ANKRD24: variants seen among roughly 807,000 people sequenced by gnomAD.
The protein encoded by ANKRD24 is ankyrin repeat domain 24, also known as ankyrin repeat domain-containing protein 24.
In ANKRD24, 109 loss-of-function variants were observed where a neutral mutation model predicts 127.8. That is an observed-to-expected ratio of 0.85 (90% CI 0.73 to 1.00). The LOEUF is 1.00. ANKRD24 is among the 50% of genes least tolerant of loss of function. ANKRD24 has a pLI of 0.00. For missense variants in ANKRD24, 1,648 were observed against 1,570.2 expected (o/e 1.05, Z -0.84); for synonymous variants, 743 against 671.1 (o/e 1.11, Z -1.66).
Position 4,219,729 on chromosome 19 carries a change from C to CA in ANKRD24, c.3142_3143insA (p.Leu1048HisfsTer22), listed in dbSNP as rs1283815224. 3.7e-6 allele frequency: 6 copies of CA among 1,611,896 alleles called. No homozygotes were observed. In the African/African-American group the frequency reaches 8.0e-5, roughly 22 times the overall value. ...GGCCCAGAGCCGGGCCCAGGAGGCT[C>CA]TGGACAAGGCCAAGGAGAAGGACAA... On this transcript the variant is annotated frameshift_variant, in exon 19 of 22. Coordinates refer to ENST00000318934, the MANE Select transcript of ANKRD24 (RefSeq NM_001393985.1). LOFTEE classifies it high-confidence loss of function.
chr19:4,216,624 C>G lies in ANKRD24; in HGVS notation c.1464C>G (p.Leu488=), dbSNP rs1970088968. 6.2e-7 allele frequency: 1 copy of G among 1,610,048 alleles called. No individual in the cohort carries two copies. Among genetic ancestry groups the G allele is most frequent in the Non-Finnish European group, 8.5e-7 (1 of 1,178,360 alleles). The change falls in exon 18 of 22, where the codon CTC becomes CTG. Residue 488 remains leucine, a synonymous_variant. Transcript: ENST00000318934. ...EALAEVIPLA[L]YDSLRAEFDQ... is the part of the protein sequence containing the mutation. The stretch of plus-strand genomic sequence containing the variant: ...TGGCAGAGGTCATCCCTCTTGCCCT[C>G]TATGACTCTCTCCGGGCCGAGTTTG...
intron 1 of ANKRD24, among the ~76,000 whole-genome samples, chr19:4,182,986 T>TGC (rs199844901): frequency 0.019 from 2,880 of 151,680 alleles, 93 homozygotes; most frequent in African/African-American, 0.066. Context: ...TGTGTGTGTG[T>TGC]GTGTGTGTGT....
Position 4,193,288 on chromosome 19 carries a change from C to A in ANKRD24, c.37-6395C>A, listed in dbSNP as rs529911849. 5.2e-3 allele frequency among the ~76,000 whole-genome samples: 662 copies of A among 127,848 alleles called. 16 individuals are homozygous for A. The highest frequency in any genetic ancestry group is 0.018 in the African/African-American group (594 of 33,008). 83.9% of individuals were successfully genotyped at this position (127,848 alleles called of 152,430 possible). Reference sequence around the variant, plus strand: ...CTGCACTCCAGTCTGGGCAATAGAGCGACTCCATCAAAAAAAAAAAAAAAA... The same window carrying A: ...CTGCACTCCAGTCTGGGCAATAGAGAGACTCCATCAAAAAAAAAAAAAAAA... On this transcript the variant is annotated intron_variant, in intron 2 of 21. Coordinates refer to ENST00000318934, the MANE Select transcript of ANKRD24 (RefSeq NM_001393985.1).
chr19:4,213,212 TCCC>T (rs1273479459), intron 15 of ANKRD24, among the ~76,000 whole-genome samples: 37 of 150,914 alleles, frequency 2.5e-4, no homozygotes, highest in Middle Eastern at 6.8e-3. Context: ...CTTCCTTTCT[TCCC>T]CTTCTCCTTC....
rs1216215027 is a variant in ANKRD24, at chr19:4,217,423, G to A, written c.2263G>A (p.Glu755Lys). ...AELEAALGKC[E>K]AAEAEAGRLR... ...GCTGGAGGCGGCCCTGGGGAAGTGC[G>A]AGGCCGCGGAGGCCGAGGCAGGCCG... is the stretch of plus-strand genomic sequence containing the variant. The change falls in exon 18 of 22, where the codon GAG becomes AAG. Residue 755 changes from glutamate to lysine, a missense_variant. Coordinates refer to ENST00000318934, the MANE Select transcript of ANKRD24 (RefSeq NM_001393985.1). 6.5e-7 allele frequency: 1 copy of A among 1,542,730 alleles called. No homozygotes were observed. Among genetic ancestry groups the A allele is most frequent in the Non-Finnish European group, 8.7e-7 (1 of 1,144,024 alleles).
At chr19:4,223,592 G>A (rs1425819243) in intron 20 of ANKRD24, among the ~76,000 whole-genome samples, 1 of 149,196 alleles carries the variant, frequency 6.7e-6, no homozygotes, top group Non-Finnish European at 1.5e-5. Context: ...TTTTTTTTGA[G>A]TCTCACTTTG....
chr19:4,191,176 A>G (rs762682942), intron 2 of ANKRD24, among the ~76,000 whole-genome samples: 7 of 152,148 alleles, frequency 4.6e-5, no homozygotes, highest in Non-Finnish European at 8.8e-5. Context: ...CAGGGCCTCC[A>G]TCCTCCCCTC....
chr19:4,210,813 ATTTT>A (rs113946972), intron 13 of ANKRD24, among the ~76,000 whole-genome samples: 1 of 126,776 alleles, frequency 7.9e-6, no homozygotes, highest in Non-Finnish European at 1.6e-5. Context: ...AGTTCACTTT[ATTTT>A]TTTTTTATTT....
rs542801330 is a variant in ANKRD24, at chr19:4,195,724, G to A, written c.37-3959G>A. Among the ~76,000 whole-genome samples the A allele has an allele frequency of 2.0e-4, 30 of 152,144 alleles. No homozygotes were observed. The highest frequency in any genetic ancestry group is 8.3e-4 in the South Asian group (4 of 4,814). ...AGCCTGGCCAACATGACAAAACCCC[G>A]TCTCTACTAAAATACAAAAATTCGC... On this transcript the variant is annotated intron_variant, in intron 2 of 21. Transcript: ENST00000318934. This position sits in a 1 kb window ranked among gnomAD's most constrained non-coding sequence, Gnocchi z 4.2.
rs547590078 is a variant in ANKRD24, at chr19:4,195,216, G to A, written c.37-4467G>A. 0.036 allele frequency among the ~76,000 whole-genome samples: 5,436 copies of A among 152,150 alleles called. 135 individuals carry two copies. Among genetic ancestry groups the A allele is most frequent in the Non-Finnish European group, 0.052 (3,559 of 68,008 alleles). ...GTCTCCCGAGTAGCTGGGACTACAG[G>A]CGCCCACCACCACGCCCGGCTAATT... On this transcript the variant is annotated intron_variant, in intron 2 of 21. Coordinates refer to ENST00000318934, the MANE Select transcript of ANKRD24 (RefSeq NM_001393985.1). The surrounding 1 kb of genome is among the most constrained non-coding windows in gnomAD (Gnocchi z 4.2).
intron 7 of ANKRD24, 138 bp from the exon 8 acceptor site, chr19:4,207,099 TTTTTG>T (rs1227938873): frequency 5.5e-6 from 3 of 541,958 alleles, no homozygotes; most frequent in Non-Finnish European, 6.5e-6. Context: ...TTTTTTTTTT[TTTTTG>T]TAGAGACAGG....
rs760566292 is a variant in ANKRD24, at chr19:4,219,683, C to T, written c.3096C>T (p.Thr1032=). ...AGCAGCAGCTACGGGGGCTACGGAC[C>T]GAGGCGGAAAGGGCTCGCCAGGCCC... The part of the protein sequence containing the change: ...TAEQQLRGLR[T]EAERARQAQS... Residue 1032 remains threonine, a synonymous_variant, in exon 19 of 22, where the codon ACC becomes ACT. Transcript: ENST00000318934. The T allele has an allele frequency of 9.3e-6, 15 of 1,613,770 alleles. No individual in the cohort carries two copies. Among genetic ancestry groups the T allele is most frequent in the Middle Eastern group, 1.7e-4 (1 of 6,060 alleles).
In ANKRD24 at chr19:4,199,723, G is replaced by GC; in HGVS notation, c.78dup (p.Gly27ArgfsTer23). The GC allele has an allele frequency of 6.5e-7, 1 of 1,538,426 alleles. No individual in the cohort carries two copies. Among genetic ancestry groups the GC allele is most frequent in the East Asian group, 2.4e-5 (1 of 40,848 alleles). On this transcript the variant is annotated frameshift_variant, in exon 3 of 22. Transcript: ENST00000318934. LOFTEE classifies it high-confidence loss of function. This position sits in a 1 kb window ranked among gnomAD's most constrained non-coding sequence, Gnocchi z 5.2. ...ACTGACCTTGGCTCCTGCCCGCCCT[G>GC]CGGCCCCTGCCCCATCCCGAAGCCG...
Position 4,210,116 on chromosome 19 carries a change from C to G in ANKRD24, c.929C>G (p.Pro310Arg). ...CCCAAGAAGCGGAAGGCGCCTCCACCTCCCGCCAGCATTCCCATGCCGGTG... is the reference window on the plus strand; with the variant it reads ...CCCAAGAAGCGGAAGGCGCCTCCACGTCCCGCCAGCATTCCCATGCCGGTG... ...GAPKKRKAPP[P>R]PASIPMPDDR... The change falls in exon 12 of 22, where the codon CCT (proline) becomes CGT (arginine). Residue 310 changes from proline to arginine, a missense_variant. Physicochemically the swap from Pro to Arg is moderately radical, Grantham distance 103. Transcript: ENST00000318934. 1 of 1,610,804 alleles carries G rather than the reference C, an allele frequency of 6.2e-7. No individual in the cohort carries two copies. The highest frequency in any genetic ancestry group is 1.3e-5 in the African/African-American group (1 of 74,988).
rs760945407 is a variant in ANKRD24, at chr19:4,217,951, G to A, written c.2791G>A (p.Gly931Ser). Residue 931 changes from glycine (G) to serine (S), a missense_variant, in exon 18 of 22, where the codon GGC (glycine) becomes AGC (serine). Gly to Ser is a moderately conservative substitution (Grantham distance 56). Coordinates refer to ENST00000318934, the MANE Select transcript of ANKRD24 (RefSeq NM_001393985.1). ...GCAGGAGGAGGCCCTGGAGCTGCGG[G>A]GCCGGGCAGCCAGTCTGGAGCAGGA... The part of the protein sequence containing the change: ...RLQEEALELR[G>S]RAASLEQEVV... The A allele has an allele frequency of 8.0e-6, 12 of 1,508,574 alleles. No individual in the cohort carries two copies. The highest frequency in any genetic ancestry group is 1.1e-5 in the Non-Finnish European group (12 of 1,136,150). The allele number at this position is 1,508,574 out of a possible 1,614,324, so 93.4% of individuals were successfully genotyped here.
intron 7 of ANKRD24, among the ~76,000 whole-genome samples, chr19:4,205,329 C>A (rs1969325190): frequency 6.6e-6 from 1 of 152,208 alleles, no homozygotes; most frequent in South Asian, 2.1e-4. Context: ...AGGTTTGCAG[C>A]AATCAAAACC....
rs1226542723 is a variant in ANKRD24 at position 4,202,656 on chromosome 19, TC to T, written c.409-210del. ...TGGGTCCTTCCTTAGCCCCAGACAC[TC>T]CCAGAGTTCCCAGCCACTCCTCAAA... On this transcript the variant is annotated intron_variant, in intron 6 of 21. Coordinates refer to ENST00000318934, the MANE Select transcript of ANKRD24 (RefSeq NM_001393985.1). Among the ~76,000 whole-genome samples, 6 of 152,166 alleles carry T rather than the reference TC, an allele frequency of 3.9e-5. No homozygotes were observed. The East Asian group carries it at 1.2e-3, about 29-fold the overall frequency.
At chr19:4,209,598 C>T (rs1166406439) in intron 11 of ANKRD24, among the ~76,000 whole-genome samples, 4 of 152,062 alleles carry the variant, frequency 2.6e-5, no homozygotes, top group Non-Finnish European at 4.4e-5. Flanking sequence ...TACAGGCGTG[C>T]GCCACCATGC....
intron 15 of ANKRD24, among the ~76,000 whole-genome samples, chr19:4,214,321 C>T (rs1388050352): frequency 6.6e-6 from 1 of 151,914 alleles, no homozygotes; most frequent in African/African-American, 2.4e-5. Flanking sequence ...GCATGTGCCA[C>T]CACACCTGGC....
Sources: allele counts gnomAD v4.1 joint callset (sites outside exome capture counted in the v4.1 genomes callset), GRCh38; gene constraint gnomAD v4.1.1; non-coding constraint Gnocchi (gnomAD v3.1); transcripts MANE v1.5; gene names NCBI Gene and HGNC (gene_info 2026-07-23, HGNC 2026-07-21).